SETD2: variants seen among roughly 807,000 people sequenced by gnomAD.
SETD2 encodes SET domain containing 2, histone lysine methyltransferase, also known as histone-lysine N-methyltransferase SETD2.
In SETD2, 31 loss-of-function variants were observed where a neutral mutation model predicts 242.1. The ratio of observed to expected loss-of-function variants is 0.13; its 90% CI spans 0.10 to 0.17. The LOEUF (loss-of-function observed/expected upper bound fraction) is 0.17. SETD2 is among the 10% of genes least tolerant of loss of function. The pLI is 1.00. For synonymous variants in SETD2, 1,006 were observed against 1,066.5 expected (o/e 0.94, Z 1.11); for missense variants, 2,481 against 3,046.3 (o/e 0.81, Z 4.37).
intron 17 of SETD2, 119 bp from the exon 18 acceptor site, chr3:47,037,896 C>T (rs1454772712): frequency 2.8e-6 from 2 of 717,226 alleles, no homozygotes; most frequent in African/African-American, 1.8e-5. Flanking sequence ...AATAAGTCAG[C>T]TCCATGAGTT....
At chr3:47,077,621 A>G (rs1263363213) in intron 12 of SETD2, among the ~76,000 whole-genome samples, 1 of 152,208 alleles carries the variant, frequency 6.6e-6, no homozygotes, top group East Asian at 1.9e-4. Context: ...TATATTTTAT[A>G]CAATCTACTG....
Position 47,114,639 on chromosome 3 carries a change from G to A in SETD2, c.4587-635C>T, listed in dbSNP as rs140492927. ...CATGCCTGTAATCCCAGCACTTTGG[G>A]AGGCCAAGGCAGGTGGATCACTTGA... On this transcript the variant is annotated intron_variant, in intron 4 of 20. Transcript: ENST00000409792. Among the ~76,000 whole-genome samples the A allele has an allele frequency of 1.7e-3, 253 of 152,232 alleles. 2 individuals carry two copies. Among genetic ancestry groups the A allele is most frequent in the African/African-American group, 5.4e-3 (225 of 41,546 alleles).
At chr3:47,155,647 A>G (rs564654680) in intron 1 of SETD2, among the ~76,000 whole-genome samples, 2 of 152,240 alleles carry the variant, frequency 1.3e-5, no homozygotes, top group African/African-American at 4.8e-5. Context: ...CTCTTCAAAA[A>G]ATACAAAAAT....
At chr3:47,069,238 A>G (rs1343928957) in intron 12 of SETD2, among the ~76,000 whole-genome samples, 1 of 152,196 alleles carries the variant, frequency 6.6e-6, no homozygotes, top group African/African-American at 2.4e-5. Context: ...ACTCAAGAGC[A>G]CTTTTATCTT....
intron 2 of SETD2, among the ~76,000 whole-genome samples, chr3:47,125,447 T>C (rs138484415): frequency 2.0e-5 from 3 of 152,300 alleles, no homozygotes; most frequent in African/African-American, 7.2e-5. Flanking sequence ...TTGGGGTGTT[T>C]TGAGGTTTTG....
chr3:47,035,394 C>T (rs968135203), intron 18 of SETD2, among the ~76,000 whole-genome samples: 1 of 152,200 alleles, frequency 6.6e-6, no homozygotes, highest in African/African-American at 2.4e-5. Context: ...TTAAAGGTTT[C>T]CCTTTCTCAC....
intron 3 of SETD2, 90 bp downstream of exon 3, chr3:47,120,092 T>TTAATCTCATACAGTCTGAA (rs2043012459): frequency 9.4e-7 from 1 of 1,059,628 alleles, no homozygotes; most frequent in Admixed American, 2.6e-5. Flanking sequence ...TTTCATGTGT[T>TTAATCTCATACAGTCTGAA]TAATCTCATA....
In SETD2 at chr3:47,088,233, T is replaced by C. The variant is rs1279603079; in HGVS notation, c.5157A>G (p.Leu1719=). The C allele has an allele frequency of 1.2e-6, 2 of 1,612,946 alleles. No individual in the cohort carries two copies. The highest frequency in any genetic ancestry group is 1.7e-4 in the Middle Eastern group (1 of 6,060). ...CCTCACCATTTTCCATCAGAGCTTCTAGCTCTCCATCCACCTACCACAGCA... is the reference window on the plus strand; with the variant it reads ...CCTCACCATTTTCCATCAGAGCTTCCAGCTCTCCATCCACCTACCACAGCA... ...SRKKDSVDGE[L]EALMENGEGL... The change falls in exon 10 of 21, where the codon CTA becomes CTG. Residue 1719 remains leucine, a synonymous_variant. Transcript: ENST00000409792.
chr3:47,040,270 C>T (rs1400972288), intron 17 of SETD2, among the ~76,000 whole-genome samples: 7 of 152,118 alleles, frequency 4.6e-5, no homozygotes, highest in Non-Finnish European at 7.3e-5. Context: ...TGAGCCACTG[C>T]ACCCAGCCTA....
At chr3:47,158,773 AG>A (rs1439582655) in intron 1 of SETD2, among the ~76,000 whole-genome samples, 2 of 152,212 alleles carry the variant, frequency 1.3e-5, no homozygotes, top group African/African-American at 4.8e-5. Flanking sequence ...TTTGATCAAG[AG>A]TCACCTGCAT....
chr3:47,119,838 A>G, intron 3 of SETD2: 1 of 476,158 alleles, frequency 2.1e-6, no homozygotes, highest in Admixed American at 2.6e-5. Flanking sequence ...CTAAGTACAG[A>G]TTATTTTGCT....
chr3:47,027,278 A>C (rs2038527987), intron 18 of SETD2, among the ~76,000 whole-genome samples: 1 of 149,222 alleles, frequency 6.7e-6, no homozygotes, highest in South Asian at 2.2e-4. Flanking sequence ...CGGAGCTTGC[A>C]GTAAGCTGAG....
intron 1 of SETD2, 150 bp downstream of exon 1, chr3:47,163,704 C>T (rs1022834498): frequency 2.1e-5 from 10 of 484,760 alleles, no homozygotes; most frequent in Non-Finnish European, 2.6e-5. Context: ...GAAGTGGCGG[C>T]GCGGGCCTGC....
At chr3:47,059,163 C>T (rs1417619705) in intron 14 of SETD2, among the ~76,000 whole-genome samples, 2 of 132,382 alleles carry the variant, frequency 1.5e-5, no homozygotes, top group East Asian at 2.3e-4. Flanking sequence ...GTCACCCAGA[C>T]TGGTGTGCAA....
intron 1 of SETD2, among the ~76,000 whole-genome samples, chr3:47,130,861 T>C (rs1031668873): frequency 6.6e-6 from 1 of 152,124 alleles, no homozygotes; most frequent in African/African-American, 2.4e-5. Context: ...GAATTATATA[T>C]TTAAAGAATC....
chr3:47,125,015 G>A (rs948202561), intron 2 of SETD2, among the ~76,000 whole-genome samples: 20 of 152,046 alleles, frequency 1.3e-4, no homozygotes, highest in Non-Finnish European at 2.6e-4. Flanking sequence ...CACATGGAGT[G>A]CACAGTAAAA....
intron 17 of SETD2, among the ~76,000 whole-genome samples, chr3:47,041,013 G>A (rs1230696623): frequency 6.6e-6 from 1 of 152,160 alleles, no homozygotes; most frequent in Admixed American, 6.5e-5. Context: ...CCCTCTCGAA[G>A]AAGTAGTAAG....
Position 47,017,068 on chromosome 3 carries a change from C to G in SETD2, c.*25G>C. ...CCTAGAGTCTGTCTTACCTGACCAC[C>G]CATCCTCCCACCCTGGCCCAACAGT... On this transcript the variant is annotated 3_prime_UTR_variant, in exon 21 of 21. Transcript: ENST00000409792. This position sits in a 1 kb window ranked among gnomAD's most constrained non-coding sequence, Gnocchi z 4.8. The G allele has an allele frequency of 6.2e-7, 1 of 1,611,582 alleles. No homozygotes were observed. The highest frequency in any genetic ancestry group is 8.5e-7 in the Non-Finnish European group (1 of 1,178,434).
Position 47,122,369 on chromosome 3 carries a change from TGTG to T in SETD2, c.2264_2266del (p.Pro755del), listed in dbSNP as rs1278879740. 1 of 1,614,044 alleles carries T rather than the reference TGTG, an allele frequency of 6.2e-7. No homozygotes were observed. The highest frequency in any genetic ancestry group is 8.5e-7 in the Non-Finnish European group (1 of 1,179,994). ...TGGCATAGACATGAGTTTATCTTGGTGTGGTGACACCAGAGGTTCTGTTTCTCT... is the reference window on the plus strand; with the variant it reads ...TGGCATAGACATGAGTTTATCTTGGTGTGACACCAGAGGTTCTGTTTCTCT... On this transcript the variant is annotated inframe_deletion, in exon 3 of 21. Coordinates refer to ENST00000409792, the MANE Select transcript of SETD2 (RefSeq NM_014159.7).
Sources: allele counts gnomAD v4.1 joint callset (sites outside exome capture counted in the v4.1 genomes callset), GRCh38; gene constraint gnomAD v4.1.1; non-coding constraint Gnocchi (gnomAD v3.1); transcripts MANE v1.5; gene names NCBI Gene and HGNC (gene_info 2026-07-23, HGNC 2026-07-21).